The following SLC6A4 variants were observed in gnomAD, a reference collection of about 807,000 sequenced individuals.
SLC6A4 encodes the protein sodium-dependent serotonin transporter.
Under a neutral mutation model 73.4 loss-of-function variants are expected in SLC6A4, and 22 were observed. The observed-to-expected ratio is 0.30, with a 90% CI of 0.21 to 0.43. The LOEUF (loss-of-function observed/expected upper bound fraction) is 0.43. Among genes scored for constraint, SLC6A4 ranks in the 20% least tolerant of loss-of-function variants. SLC6A4 has a pLI of 1.00. For synonymous variants in SLC6A4, 270 were observed against 315.5 expected (o/e 0.86, Z 1.53); for missense variants, 593 against 808.5 (o/e 0.73, Z 3.23).
chr17:30,213,475 G>T (rs998710541), intron 8 of SLC6A4, among the ~76,000 whole-genome samples: 1 of 151,718 alleles, frequency 6.6e-6, no homozygotes, highest in South Asian at 2.1e-4. Context: ...GCTAATTTTT[G>T]TATTTTTAGT....
intron 1 of SLC6A4, among the ~76,000 whole-genome samples, chr17:30,233,534 A>G (rs1427910401): frequency 6.6e-6 from 1 of 152,182 alleles, no homozygotes; most frequent in Non-Finnish European, 1.5e-5. Flanking sequence ...TTTTTGCACC[A>G]TCATTTCAAC....
rs753353647 is a variant in SLC6A4, at chr17:30,210,654, G to A, written c.1318-8C>T. 1.9e-6 allele frequency: 3 copies of A among 1,609,308 alleles called. No homozygotes were observed. The highest frequency in any genetic ancestry group is 2.7e-5 in the African/African-American group (2 of 74,702). On this transcript the variant is annotated splice_polypyrimidine_tract_variant and splice_region_variant and intron_variant, in intron 10 of 14. Transcript: ENST00000650711. ...CCCCTCCAAGCCTGCAAACTGAGAG[G>A]TACAGGCAAGCAGTCACGGTGGAGG...
intron 1 of SLC6A4, among the ~76,000 whole-genome samples, chr17:30,233,054 A>G (rs1048333389): frequency 6.6e-5 from 10 of 152,168 alleles, no homozygotes; most frequent in Non-Finnish European, 1.3e-4. Flanking sequence ...GAAAGATGGG[A>G]GTTTTCTTCC....
Position 30,210,551 on chromosome 17 carries a change from G to T in SLC6A4, c.1413C>A (p.Ile471=), listed in dbSNP as rs1906351381. The change falls in exon 11 of 15, where the codon ATC becomes ATA. Residue 471 remains isoleucine (I), a synonymous_variant. Transcript: ENST00000650711. ...TGACCAGGGATCCAAAGAAGCAGGT[G>T]ATGACCACGGCGAGCACGAACCGCT... ...RRERFVLAVV[I]TCFFGSLVTL... The T allele has an allele frequency of 6.2e-7, 1 of 1,613,784 alleles. No homozygotes were observed. Among genetic ancestry groups the T allele is most frequent in the Admixed American group, 1.7e-5 (1 of 59,970 alleles).
At chr17:30,214,728 G>T (rs548446573) in intron 8 of SLC6A4, among the ~76,000 whole-genome samples, 238 of 150,780 alleles carry the variant, frequency 1.6e-3, no homozygotes, top group African/African-American at 5.6e-3. Flanking sequence ...CACCTCCTGG[G>T]TTCACGCCAT....
At chr17:30,206,707 CTTTTCTT>C (rs1906211629) in intron 13 of SLC6A4, among the ~76,000 whole-genome samples, 1 of 114,540 alleles carries the variant, frequency 8.7e-6, no homozygotes. Flanking sequence ...TTTTTCTTTT[CTTTTCTT>C]TTTTTTTTTT....
intron 1 of SLC6A4, among the ~76,000 whole-genome samples, chr17:30,232,448 A>G (rs563419713): frequency 1.3e-5 from 2 of 152,344 alleles, no homozygotes; most frequent in East Asian, 3.9e-4. Flanking sequence ...GACCTGGGAC[A>G]TTGCCTCTCT....
At chr17:30,212,067 C>T (rs916475533) in intron 9 of SLC6A4, among the ~76,000 whole-genome samples, 2 of 152,162 alleles carry the variant, frequency 1.3e-5, no homozygotes, top group African/African-American at 4.8e-5. Context: ...TAGATGCCAT[C>T]ATCTGTTTTT....
intron 12 of SLC6A4, 135 bp from the exon 13 acceptor site, chr17:30,207,967 T>C: frequency 1.5e-6 from 1 of 647,710 alleles, no homozygotes; most frequent in South Asian, 2.0e-5. Context: ...CAAGCCGGAA[T>C]TCCTACCCCG....
At chr17:30,203,040 A>G in intron 14 of SLC6A4, 132 bp downstream of exon 14, 3 of 676,104 alleles carry the variant, frequency 4.4e-6, no homozygotes, top group Non-Finnish European at 7.4e-6. Flanking sequence ...GCCATGGCAC[A>G]GGTACATACA....
At position 30,209,207 on chromosome 17, in the gene SLC6A4, A is replaced by G. The variant is rs1338855919; in HGVS notation, c.1485T>C (p.Tyr495=). 2 of 1,613,740 alleles carry G rather than the reference A, an allele frequency of 1.2e-6. No individual in the cohort carries two copies. The highest frequency in any genetic ancestry group is 8.5e-7 in the Non-Finnish European group (1 of 1,179,802). ...CAGTGAGCACTGCGGGCCCCGTGGC[A>G]TACTCCTCCAGCAGCTTCACCACGT... ...GAYVVKLLEE[Y]ATGPAVLTVA... The change falls in exon 12 of 15, where the codon TAT becomes TAC. Residue 495 remains tyrosine (Y), a synonymous_variant. Coordinates refer to ENST00000650711, the MANE Select transcript of SLC6A4 (RefSeq NM_001045.6).
chr17:30,206,838 C>T (rs1906220914), intron 13 of SLC6A4, among the ~76,000 whole-genome samples: 1 of 150,958 alleles, frequency 6.6e-6, no homozygotes, highest in Non-Finnish European at 1.5e-5. Flanking sequence ...CCTGCCTCAG[C>T]CTCCTGAGTA....
At position 30,229,689 on chromosome 17, in the gene SLC6A4, C is replaced by T. The variant is rs1465856785; in HGVS notation, c.-221+5924G>A. Among the ~76,000 whole-genome samples, 3 of 1,386 alleles carry T rather than the reference C, an allele frequency of 2.2e-3. No homozygotes were observed. The Non-Finnish European group carries it at 0.037, about 17-fold the overall frequency. The allele number at this position is 1,386 out of a possible 152,430, so 0.9% of individuals were successfully genotyped here. A position where few individuals can be genotyped will look rare whatever the true frequency, so the allele number is the denominator to read the frequency against. On this transcript the variant is annotated intron_variant, in intron 1 of 14. Coordinates refer to ENST00000650711, the MANE Select transcript of SLC6A4 (RefSeq NM_001045.6). ...TCAGCCTCCCAAAGTGCTGAGATTA[C>T]AGCATGAGCCACTGCGCCTGGTCCA... is the stretch of plus-strand genomic sequence containing the variant.
intron 5 of SLC6A4, 67 bp from the exon 6 acceptor site, chr17:30,217,371 T>A (rs1020697831): frequency 6.6e-6 from 10 of 1,505,838 alleles, no homozygotes; most frequent in African/African-American, 1.4e-5. Context: ...ACATCTGTGC[T>A]GCTCCTTTGA....
At position 30,216,202 on chromosome 17, in the gene SLC6A4, T is replaced by C; in HGVS notation, c.852A>G (p.Thr284=). 1 of 1,522,388 alleles carries C rather than the reference T, an allele frequency of 6.6e-7. No homozygotes were observed. The highest frequency in any genetic ancestry group is 8.9e-7 in the Non-Finnish European group (1 of 1,123,030). 94.3% of individuals were successfully genotyped at this position (1,522,388 alleles called of 1,614,324 possible). ...VKTSGKVVWV[T]ATFPYIILSV... Reference sequence around the variant, plus strand: ...AAAGGATGATATAAGGGAAGGTGGCTGTCACCCACACCACCTGTAAGGAAG... The same window carrying C: ...AAAGGATGATATAAGGGAAGGTGGCCGTCACCCACACCACCTGTAAGGAAG... Residue 284 remains threonine, a synonymous_variant, in exon 7 of 15, where the codon ACA becomes ACG. Coordinates refer to ENST00000650711, the MANE Select transcript of SLC6A4 (RefSeq NM_001045.6).
chr17:30,208,454 G>A (rs1231175809), intron 12 of SLC6A4, among the ~76,000 whole-genome samples: 1 of 152,072 alleles, frequency 6.6e-6, no homozygotes, highest in Non-Finnish European at 1.5e-5. Flanking sequence ...ATTGAGAAGG[G>A]GAAGGTGCTC....
At chr17:30,218,520 C>G (rs978450203) in intron 4 of SLC6A4, among the ~76,000 whole-genome samples, 183 bp from the exon 5 acceptor site, 1 of 152,220 alleles carries the variant, frequency 6.6e-6, no homozygotes, top group Non-Finnish European at 1.5e-5. Flanking sequence ...GTTAGTCACT[C>G]ATATGTATTT....
At chr17:30,220,034 G>A (rs1308240322) in intron 3 of SLC6A4, among the ~76,000 whole-genome samples, 4 of 152,188 alleles carry the variant, frequency 2.6e-5, no homozygotes, top group African/African-American at 9.7e-5. Flanking sequence ...GGCTAAAGGT[G>A]AGTCCTCTGG....
chr17:30,216,543 G>A (rs955640347), intron 6 of SLC6A4, among the ~76,000 whole-genome samples: 5 of 151,970 alleles, frequency 3.3e-5, no homozygotes, highest in Non-Finnish European at 7.4e-5. Context: ...GGTCCATGAT[G>A]GGTTTCCAGT....
Sources: gnomAD v4.1 joint callset for allele counts (sites outside exome capture counted in the v4.1 genomes callset) on GRCh38, gnomAD v4.1.1 for gene constraint, MANE v1.5 for transcripts, NCBI Gene and HGNC (gene_info 2026-07-23, HGNC 2026-07-21) for gene names.